Variants in NLGN1 observed in about 807,000 individuals in gnomAD.
The protein encoded by NLGN1 is neuroligin-1.
Under a neutral mutation model 65.5 loss-of-function variants are expected in NLGN1, and 12 were observed. The observed-to-expected ratio is 0.18, with a 90% CI of 0.12 to 0.30. NLGN1 has a LOEUF of 0.30. Among genes scored for constraint, NLGN1 ranks in the 10% least tolerant of loss-of-function variants. NLGN1 has a pLI of 1.00. For synonymous variants in NLGN1, 350 were observed against 359.5 expected (o/e 0.97, Z 0.30); for missense variants, 750 against 1,007.1 (o/e 0.74, Z 3.46).
intron 4 of NLGN1, among the ~76,000 whole-genome samples, chr3:173,975,146 C>T (rs559242763): frequency 1.3e-5 from 2 of 152,102 alleles, no homozygotes; most frequent in African/African-American, 2.4e-5. Flanking sequence ...TTTACACTTA[C>T]AGTTGTCTTT....
chr3:173,525,479 T>G (rs73043585), intron 2 of NLGN1, among the ~76,000 whole-genome samples: 4,396 of 152,232 alleles, frequency 0.029, 202 homozygotes, highest in African/African-American at 0.096. Context: ...TTATCATTTC[T>G]GATATGTACT....
intron 4 of NLGN1, among the ~76,000 whole-genome samples, chr3:173,913,724 G>T (rs923293947): frequency 1.3e-5 from 2 of 152,182 alleles, no homozygotes; most frequent in African/African-American, 4.8e-5. Context: ...CCAAAGAAAA[G>T]TGCTTGATTC....
chr3:173,754,618 T>G (rs902670567), intron 3 of NLGN1, among the ~76,000 whole-genome samples: 1 of 152,112 alleles, frequency 6.6e-6, no homozygotes, highest in African/African-American at 2.4e-5. Flanking sequence ...TAGTAGACAC[T>G]CCATAAATAT....
intron 4 of NLGN1, among the ~76,000 whole-genome samples, chr3:174,033,288 A>G (rs905066240): frequency 4.6e-5 from 7 of 152,188 alleles, no homozygotes; most frequent in African/African-American, 1.7e-4. Flanking sequence ...CACTATGACT[A>G]CTGCAAACAT....
At chr3:173,447,102 C>T (rs1442106100) in intron 2 of NLGN1, among the ~76,000 whole-genome samples, 1 of 152,158 alleles carries the variant, frequency 6.6e-6, no homozygotes, top group South Asian at 2.1e-4. Context: ...ACTTTTGTTG[C>T]CATTGCTTTT....
chr3:173,607,453 T>C (rs1241822707), intron 3 of NLGN1, among the ~76,000 whole-genome samples: 3 of 151,784 alleles, frequency 2.0e-5, no homozygotes, highest in Non-Finnish European at 4.4e-5. Flanking sequence ...TTATTAGCTC[T>C]TTGTACATTA....
intron 4 of NLGN1, among the ~76,000 whole-genome samples, chr3:174,151,687 G>A (rs1724385889): frequency 6.6e-6 from 1 of 152,082 alleles, no homozygotes; most frequent in South Asian, 2.1e-4. Context: ...TTATGTTGAT[G>A]GGTTTCCTTT....
intron 2 of NLGN1, among the ~76,000 whole-genome samples, chr3:173,437,236 A>G (rs1376141224): frequency 2.0e-5 from 3 of 152,140 alleles, no homozygotes; most frequent in African/African-American, 7.2e-5. Context: ...CTGGTTTCTT[A>G]ATTATCACAG....
At chr3:173,584,881 G>C (rs960842701) in intron 2 of NLGN1, 1 of 152,056 alleles carries the variant, frequency 6.6e-6, no homozygotes, top group African/African-American at 2.4e-5. Context: ...CCGGGTGCTC[G>C]AGATTTCAAA....
At chr3:174,118,580 G>A (rs1717065852) in intron 4 of NLGN1, among the ~76,000 whole-genome samples, 1 of 152,092 alleles carries the variant, frequency 6.6e-6, no homozygotes, top group African/African-American at 2.4e-5. Flanking sequence ...TGGTAGAGAA[G>A]GAGCTAGTGA....
intron 4 of NLGN1, among the ~76,000 whole-genome samples, chr3:174,021,330 C>T (rs12492913): frequency 0.26 from 39,861 of 151,742 alleles, 6,242 homozygotes; most frequent in African/African-American, 0.43. Context: ...TAATAAAGTT[C>T]TCATAAAGCA....
chr3:173,894,187 G>A (rs895575799), intron 4 of NLGN1, among the ~76,000 whole-genome samples: 2 of 152,096 alleles, frequency 1.3e-5, no homozygotes, highest in Non-Finnish European at 2.9e-5. Context: ...ATCACAGGGT[G>A]TTACAATTAT....
chr3:173,539,439 G>A (rs1738059655), intron 2 of NLGN1, among the ~76,000 whole-genome samples: 2 of 144,252 alleles, frequency 1.4e-5, no homozygotes, highest in African/African-American at 2.5e-5. Context: ...ACATATATAT[G>A]TACATGTATA....
chr3:173,658,040 A>G (rs1760340414), intron 3 of NLGN1, among the ~76,000 whole-genome samples: 1 of 151,988 alleles, frequency 6.6e-6, no homozygotes, highest in African/African-American at 2.4e-5. Context: ...TCAATAAAAC[A>G]TAGGTAATTA....
chr3:173,426,003 A>T (rs149257610), intron 1 of NLGN1, among the ~76,000 whole-genome samples: 2 of 152,054 alleles, frequency 1.3e-5, no homozygotes, highest in East Asian at 3.9e-4. Context: ...TTTTAATTTC[A>T]TTCTTCAGTA....
At chr3:173,789,851 T>A (rs777602599) in intron 3 of NLGN1, 6 of 513,224 alleles carry the variant, frequency 1.2e-5, no homozygotes, top group Non-Finnish European at 2.3e-5. Context: ...TTCTATATTT[T>A]TCCCAACTGC....
chr3:173,975,738 ACTCC>A (rs1717287991), intron 4 of NLGN1, among the ~76,000 whole-genome samples: 1 of 151,012 alleles, frequency 6.6e-6, no homozygotes, highest in African/African-American at 2.4e-5. Flanking sequence ...CACCCTATCA[ACTCC>A]CTCCCACACT....
intron 2 of NLGN1, among the ~76,000 whole-genome samples, chr3:173,544,122 G>T (rs924218011): frequency 6.6e-6 from 1 of 151,970 alleles, no homozygotes; most frequent in Admixed American, 6.6e-5. Context: ...GTTGAATTGC[G>T]GGTAATAGTG....
intron 4 of NLGN1, among the ~76,000 whole-genome samples, chr3:174,111,295 G>T (rs549956632): frequency 8.6e-5 from 13 of 151,948 alleles, no homozygotes; most frequent in Admixed American, 8.5e-4. Flanking sequence ...GTAACTAGTA[G>T]TTAATTCTTA....
Sources: gnomAD v4.1 joint callset for allele counts (sites outside exome capture counted in the v4.1 genomes callset) on GRCh38, gnomAD v4.1.1 for gene constraint, MANE v1.5 for transcripts, NCBI Gene and HGNC (gene_info 2026-07-23, HGNC 2026-07-21) for gene names.